Variants in EML5 observed in about 807,000 individuals in gnomAD.
The protein encoded by EML5 is EMAP like 5.
In EML5, 120 loss-of-function variants were observed where a neutral mutation model predicts 250.0. That is an observed-to-expected ratio of 0.48 (90% confidence interval 0.41 to 0.56). The LOEUF is 0.56. Ranked by LOEUF, EML5 falls within the 20% of genes least tolerant of loss-of-function variation. The pLI is 0.00. For missense variants in EML5, 2,006 were observed against 2,437.6 expected, an observed-to-expected ratio of 0.82 and a Z score of 3.73; for synonymous variants, 771 against 806.5, an observed-to-expected ratio of 0.96 and a Z score of 0.75.
At chr14:88,676,825 A>G (rs2092604816) in intron 21 of EML5, among the ~76,000 whole-genome samples, 1 of 152,232 alleles carries the variant, frequency 6.6e-6, no homozygotes, top group African/African-American at 2.4e-5. Context: ...CTCAGAAGTA[A>G]GACCACATAT....
intron 10 of EML5, among the ~76,000 whole-genome samples, chr14:88,711,128 G>C (rs1380583295): frequency 6.6e-6 from 1 of 151,954 alleles, no homozygotes; most frequent in Non-Finnish European, 1.5e-5. Flanking sequence ...TGTTGTGCAT[G>C]GTGACTCTCA....
At chr14:88,740,019 T>A (rs2093901705) in intron 5 of EML5, among the ~76,000 whole-genome samples, 1 of 152,166 alleles carries the variant, frequency 6.6e-6, no homozygotes, top group South Asian at 2.1e-4. Context: ...TTTAGTAAGT[T>A]ATTTACACGA....
At chr14:88,663,577 TACAA>T (rs1298584407) in intron 23 of EML5, among the ~76,000 whole-genome samples, 2 of 152,326 alleles carry the variant, frequency 1.3e-5, no homozygotes, top group East Asian at 3.9e-4. Flanking sequence ...TCTGCTAAAA[TACAA>T]ACATACTCAT....
At chr14:88,790,120 CATGA>C (rs1203845769) in intron 1 of EML5, among the ~76,000 whole-genome samples, 15 of 152,130 alleles carry the variant, frequency 9.9e-5, no homozygotes, top group Admixed American at 9.2e-4. Flanking sequence ...ATTTCACAAA[CATGA>C]ATGATCTGTC....
At chr14:88,652,351 G>A (rs1406926933) in intron 27 of EML5, among the ~76,000 whole-genome samples, 6 of 152,058 alleles carry the variant, frequency 3.9e-5, no homozygotes, top group African/African-American at 1.4e-4. Context: ...GACTTCCCTG[G>A]CAACGCGGGG....
intron 32 of EML5, among the ~76,000 whole-genome samples, chr14:88,638,264 C>T (rs975014661): frequency 6.6e-6 from 1 of 152,116 alleles, no homozygotes; most frequent in Non-Finnish European, 1.5e-5. Flanking sequence ...AACAGTTTTT[C>T]ACAGAGGTAA....
chr14:88,616,908 T>G (rs370993837), intron 41 of EML5, 29 bp from the exon 42 acceptor site: 1 of 1,609,396 alleles, frequency 6.2e-7, no homozygotes, highest in Non-Finnish European at 8.5e-7. Flanking sequence ...AGAAAACTCA[T>G]CATGGCAAGT....
intron 1 of EML5, among the ~76,000 whole-genome samples, chr14:88,775,996 G>T (rs12884177): frequency 0.4 from 61,093 of 151,486 alleles, 14,798 homozygotes; most frequent in African/African-American, 0.66. Context: ...AGAATTCTCC[G>T]GGATCTTGTC....
At chr14:88,682,685 C>G (rs1279561878) in intron 20 of EML5, among the ~76,000 whole-genome samples, 1 of 152,134 alleles carries the variant, frequency 6.6e-6, no homozygotes, top group Non-Finnish European at 1.5e-5. Flanking sequence ...CTCACCCTGC[C>G]CTCAGCCTCC....
chr14:88,617,903 A>G (rs76275250), intron 41 of EML5: 1 of 177,298 alleles, frequency 5.6e-6, no homozygotes, highest in East Asian at 1.5e-4. Flanking sequence ...CTTTAGATAG[A>G]GAATTAATAA....
intron 37 of EML5, 37 bp downstream of exon 37, chr14:88,622,567 T>C (rs1327838342): frequency 1.4e-6 from 2 of 1,474,350 alleles, no homozygotes; most frequent in Admixed American, 2.2e-5. Context: ...CACTTTCTGT[T>C]TTCTGCTGCA....
At chr14:88,660,605 T>A (rs1421775181) in intron 25 of EML5, among the ~76,000 whole-genome samples, 1 of 151,792 alleles carries the variant, frequency 6.6e-6, no homozygotes, top group South Asian at 2.1e-4. Context: ...TAGCTGGGCA[T>A]GGTGGTGCGC....
Position 88,702,030 on chromosome 14 carries a change from T to C in EML5, c.2238+416A>G, listed in dbSNP as rs1242182816. The stretch of plus-strand genomic sequence containing the variant: ...TGCTTTCTACTTTGGTAAACCTGAA[T>C]AGATTACTATCATGGTTGTAAAATA... On this transcript the variant is annotated intron_variant, in intron 14 of 43. Transcript: ENST00000554922. 3.3e-5 allele frequency among the ~76,000 whole-genome samples: 5 copies of C among 152,188 alleles called. No homozygotes were observed. In the South Asian group the frequency reaches 6.2e-4, roughly 19 times the overall value.
chr14:88,769,965 A>G (rs1595842971), intron 1 of EML5, among the ~76,000 whole-genome samples: 4 of 136,704 alleles, frequency 2.9e-5, no homozygotes, highest in East Asian at 2.4e-4. Context: ...CATTATGTGC[A>G]GTTTTTTTTT....
intron 14 of EML5, among the ~76,000 whole-genome samples, chr14:88,700,204 C>T (rs1451985523): frequency 2.0e-5 from 3 of 152,146 alleles, no homozygotes; most frequent in African/African-American, 7.2e-5. Context: ...CACATTCTTT[C>T]ATTTCCACTT....
At chr14:88,689,063 C>T (rs1310116111) in intron 17 of EML5, among the ~76,000 whole-genome samples, 1 of 152,176 alleles carries the variant, frequency 6.6e-6, no homozygotes, top group Admixed American at 6.5e-5. Context: ...TGTTAGAAAA[C>T]TCACTTTCAT....
At chr14:88,651,878 A>G (rs80233748) in intron 27 of EML5, among the ~76,000 whole-genome samples, 29 of 152,282 alleles carry the variant, frequency 1.9e-4, no homozygotes, top group African/African-American at 6.7e-4. Flanking sequence ...ATGAAGACCT[A>G]CTATCTAAAT....
At position 88,702,552 on chromosome 14, in the gene EML5, A is replaced by T; in HGVS notation, c.2132T>A (p.Val711Asp). 1 of 1,613,364 alleles carries T rather than the reference A, an allele frequency of 6.2e-7. No individual in the cohort carries two copies. Among genetic ancestry groups the T allele is most frequent in the Non-Finnish European group, 8.5e-7 (1 of 1,179,620 alleles). The change falls in exon 14 of 44, where the codon GTC (valine) becomes GAC (aspartate). Residue 711 changes from valine to aspartate, a missense_variant. Val to Asp is a radical substitution (Grantham distance 152, BLOSUM62 -3). Transcript: ENST00000554922. ...TGTGTTTTGCTGTCGATTATAAATGACACCCACTGCTGCCACATGGTACAC... is the reference window on the plus strand; with the variant it reads ...TGTGTTTTGCTGTCGATTATAAATGTCACCCACTGCTGCCACATGGTACAC... ...EIVYHVAAVG[V>D]IYNRQQNTQR...
At position 88,687,251 on chromosome 14, in the gene EML5, G is replaced by A; in HGVS notation, c.2819C>T (p.Ala940Val). The A allele has an allele frequency of 6.2e-7, 1 of 1,611,436 alleles. No homozygotes were observed. The highest frequency in any genetic ancestry group is 8.5e-7 in the Non-Finnish European group (1 of 1,178,938). The change falls in exon 19 of 44, where the codon GCT (alanine) becomes GTT (valine). Residue 940 changes from alanine to valine, a missense_variant. By Grantham distance (64) the Ala-to-Val change is moderately conservative (BLOSUM62 0). Transcript: ENST00000554922. ...DSFERCLKTY[A>V]IKRAALAPGS... ...TGGGGCCAATGCAGCTCTTTTTATA[G>A]CATAGGTCTTGAGACATCTTTCAAA...
Sources: gnomAD v4.1 joint callset for allele counts (sites outside exome capture counted in the v4.1 genomes callset) on GRCh38, gnomAD v4.1.1 for gene constraint, MANE v1.5 for transcripts, NCBI Gene and HGNC (gene_info 2026-07-23, HGNC 2026-07-21) for gene names.